Variants in NSD1 observed in about 807,000 individuals in gnomAD.
The protein encoded by NSD1 is nuclear receptor binding SET domain protein 1, also known as histone-lysine N-methyltransferase, H3 lysine-36 specific.
A neutral mutation model predicts 242.7 loss-of-function variants in NSD1; 26 were observed. The observed-to-expected ratio is 0.11, with a 90% CI of 0.08 to 0.15. The LOEUF is 0.15. Ranked by LOEUF, NSD1 falls within the 10% of genes least tolerant of loss-of-function variation. The pLI is 1.00. For missense variants in NSD1, 2,495 were observed against 3,272.8 expected, an observed-to-expected ratio of 0.76 and a Z score of 5.80; for synonymous variants, 1,106 against 1,178.1, an observed-to-expected ratio of 0.94 and a Z score of 1.25.
intron 14 of NSD1, chr5:177,266,011 G>A (rs566648769): frequency 9.7e-7 from 1 of 1,031,058 alleles, no homozygotes; most frequent in Non-Finnish European, 1.5e-6. Flanking sequence ...CCACATCTTT[G>A]ATGCAAGATA....
intron 2 of NSD1, among the ~76,000 whole-genome samples, chr5:177,150,547 G>A (rs1180854839): frequency 6.8e-6 from 1 of 146,610 alleles, no homozygotes; most frequent in Non-Finnish European, 1.6e-5. Flanking sequence ...GTTTTTTGCT[G>A]TTATTATTAA....
chr5:177,248,477 T>A (rs746582935), intron 11 of NSD1, among the ~76,000 whole-genome samples, 153 bp downstream of exon 11: 20 of 152,196 alleles, frequency 1.3e-4, no homozygotes, highest in Non-Finnish European at 2.9e-4. Flanking sequence ...ACCCCTTTTT[T>A]TCTCCCCACA....
At chr5:177,176,933 G>A (rs1340843751) in intron 2 of NSD1, among the ~76,000 whole-genome samples, 1 of 152,116 alleles carries the variant, frequency 6.6e-6, no homozygotes, top group Non-Finnish European at 1.5e-5. Context: ...TGTTTTGGAT[G>A]TTTCAGTGGT....
chr5:177,157,598 T>C (rs957168292), intron 2 of NSD1, among the ~76,000 whole-genome samples: 6 of 152,138 alleles, frequency 3.9e-5, no homozygotes, highest in Non-Finnish European at 8.8e-5. Context: ...CTCAGGACGC[T>C]GAGTCTGCAC....
intron 5 of NSD1, 61 bp from the exon 6 acceptor site, chr5:177,235,760 A>C: frequency 6.2e-7 from 1 of 1,610,952 alleles, no homozygotes. Flanking sequence ...ATGGTCTCAT[A>C]AAAACAGTGG....
chr5:177,192,811 G>A (rs978307393), intron 3 of NSD1, among the ~76,000 whole-genome samples: 17 of 152,228 alleles, frequency 1.1e-4, no homozygotes, highest in African/African-American at 1.9e-4. Flanking sequence ...GATTACAGGC[G>A]TGAGCCACTG....
intron 2 of NSD1, among the ~76,000 whole-genome samples, chr5:177,143,445 C>T (rs1474905616): frequency 6.6e-6 from 1 of 152,106 alleles, no homozygotes; most frequent in Non-Finnish European, 1.5e-5. Context: ...CCTCAGCCTC[C>T]TGAGTAGCTG....
chr5:177,271,627 A>G (rs1757949187), intron 16 of NSD1, among the ~76,000 whole-genome samples: 1 of 152,232 alleles, frequency 6.6e-6, no homozygotes, highest in Admixed American at 6.5e-5. Context: ...TGTTGAATCT[A>G]TTAATAAAAT....
intron 3 of NSD1, among the ~76,000 whole-genome samples, chr5:177,197,491 G>C (rs898578141): frequency 2.0e-5 from 3 of 152,076 alleles, no homozygotes; most frequent in Non-Finnish European, 4.4e-5. Context: ...GCAGGGTGGC[G>C]GGCGCCTGTA....
Position 177,295,315 on chromosome 5 carries a change from C to G in NSD1, c.7947C>G (p.Cys2649Trp). The change falls in exon 23 of 23, where the codon TGC becomes TGG. Residue 2649 changes from cysteine to tryptophan, a missense_variant. Transcript: ENST00000439151. This position sits in a 1 kb window ranked among gnomAD's most constrained non-coding sequence, Gnocchi z 4.3. ...IVAGQTLAQS[C>W]WSAGSTQTLA... ...CTGGACAGACACTGGCACAGTCTTGCTGGTCTGCTGGGAGCACACAGACAT... is the reference window on the plus strand; with the variant it reads ...CTGGACAGACACTGGCACAGTCTTGGTGGTCTGCTGGGAGCACACAGACAT... 6.2e-7 allele frequency: 1 copy of G among 1,613,948 alleles called. No individual in the cohort carries two copies.
intron 4 of NSD1, among the ~76,000 whole-genome samples, chr5:177,207,348 T>C (rs1762958029): frequency 6.6e-6 from 1 of 151,926 alleles, no homozygotes; most frequent in East Asian, 1.9e-4. Context: ...AGTGGTGCGA[T>C]GTCAGCTCAC....
chr5:177,276,963 G>A (rs1758441464), intron 17 of NSD1, among the ~76,000 whole-genome samples: 3 of 152,092 alleles, frequency 2.0e-5, no homozygotes, highest in South Asian at 2.1e-4. Context: ...GAACATAGTC[G>A]TTAGGCCTCA....
chr5:177,275,505 C>T (rs1335691033), intron 17 of NSD1, among the ~76,000 whole-genome samples: 1 of 119,566 alleles, frequency 8.4e-6, no homozygotes, highest in Non-Finnish European at 1.6e-5. Flanking sequence ...ACGATCTTGG[C>T]TCACTGCAAG....
intron 2 of NSD1, among the ~76,000 whole-genome samples, chr5:177,168,291 A>C (rs900660329): frequency 6.6e-6 from 1 of 152,064 alleles, no homozygotes; most frequent in Non-Finnish European, 1.5e-5. Flanking sequence ...GGTTTACTGG[A>C]GGATTGAATG....
At chr5:177,173,466 C>CTTTTTTTTTTTT (rs768982432) in intron 2 of NSD1, among the ~76,000 whole-genome samples, 2 of 62,172 alleles carry the variant, frequency 3.2e-5, no homozygotes, top group Admixed American at 2.3e-4. Context: ...TACTATCTGG[C>CTTTTTTTTTTTT]TTTTTTTTTT....
At chr5:177,245,525 T>C (rs1462882923) in intron 9 of NSD1, among the ~76,000 whole-genome samples, 2 of 152,214 alleles carry the variant, frequency 1.3e-5, no homozygotes, top group Non-Finnish European at 2.9e-5. Flanking sequence ...CTAGCACAGA[T>C]ATCCTAAATG....
At chr5:177,232,050 C>T (rs578239651) in intron 5 of NSD1, among the ~76,000 whole-genome samples, 12 of 152,226 alleles carry the variant, frequency 7.9e-5, no homozygotes, top group Admixed American at 2.0e-4. Context: ...CAGGTGTGTG[C>T]CACCACAGGC....
At chr5:177,218,574 T>G (rs552886432) in intron 5 of NSD1, among the ~76,000 whole-genome samples, 186 of 151,394 alleles carry the variant, frequency 1.2e-3, no homozygotes, top group African/African-American at 4.3e-3. Flanking sequence ...TATATTTCTT[T>G]TTTTTTTTTT....
At chr5:177,209,386 G>T (rs1232295113) in intron 4 of NSD1, among the ~76,000 whole-genome samples, 1 of 151,828 alleles carries the variant, frequency 6.6e-6, no homozygotes, top group Non-Finnish European at 1.5e-5. Flanking sequence ...AAAATTAGCT[G>T]GGTGTGGTGG....
Sources: allele counts gnomAD v4.1 joint callset (sites outside exome capture counted in the v4.1 genomes callset), GRCh38; gene constraint gnomAD v4.1.1; non-coding constraint Gnocchi (gnomAD v3.1); transcripts MANE v1.5; gene names NCBI Gene and HGNC (gene_info 2026-07-23, HGNC 2026-07-21).